Variants in ITGA8 observed in about 807,000 individuals in gnomAD.
The protein encoded by ITGA8 is integrin alpha-8.
ITGA8 carries 91 observed loss-of-function variants against 142.3 expected under a neutral mutation model. That is an observed-to-expected ratio of 0.64 (90% CI 0.54 to 0.76). ITGA8 has a LOEUF of 0.76. ITGA8 is among the 30% of genes least tolerant of loss of function. The pLI, the probability that ITGA8 is intolerant of heterozygous loss-of-function variation, is 0.00. For synonymous variants in ITGA8, 505 were observed against 485.2 expected (o/e 1.04, Z -0.54); for missense variants, 1,406 against 1,327.7 (o/e 1.06, Z -0.92).
chr10:15,547,913 C>A (rs949484419), intron 27 of ITGA8, among the ~76,000 whole-genome samples: 1 of 152,126 alleles, frequency 6.6e-6, no homozygotes, highest in Non-Finnish European at 1.5e-5. Context: ...AGTACATTTT[C>A]TGATCTATTC....
intron 9 of ITGA8, among the ~76,000 whole-genome samples, chr10:15,660,170 G>A (rs955369267): frequency 6.6e-6 from 1 of 152,062 alleles, no homozygotes; most frequent in Non-Finnish European, 1.5e-5. Flanking sequence ...AATTATTCCC[G>A]GATTATACCC....
At chr10:15,641,772 A>G (rs1311911553) in intron 13 of ITGA8, among the ~76,000 whole-genome samples, 2 of 152,188 alleles carry the variant, frequency 1.3e-5, no homozygotes, top group Non-Finnish European at 2.9e-5. Flanking sequence ...CAGACTCAGC[A>G]AAGTTGTTGA....
intron 26 of ITGA8, among the ~76,000 whole-genome samples, chr10:15,550,019 T>C (rs888409462): frequency 6.6e-6 from 1 of 152,172 alleles, no homozygotes; most frequent in Admixed American, 6.5e-5. Context: ...GTAGCTTCCA[T>C]GACTCCCACA....
At chr10:15,599,922 A>C (rs959577296) in intron 20 of ITGA8, among the ~76,000 whole-genome samples, 5 of 152,158 alleles carry the variant, frequency 3.3e-5, no homozygotes, top group African/African-American at 1.2e-4. Context: ...CACCATCTCA[A>C]AAAAACAAAA....
In ITGA8 at chr10:15,662,869, G is replaced by A. The variant is rs571659233; in HGVS notation, c.848-1947C>T. On this transcript the variant is annotated intron_variant, in intron 8 of 29. Transcript: ENST00000378076. Reference sequence around the variant, plus strand: ...CAAATTACATTCCTGGAATTGGTTAGGAACAGATTACTTTCTTGGGTTTTA... The same window carrying A: ...CAAATTACATTCCTGGAATTGGTTAAGAACAGATTACTTTCTTGGGTTTTA... Among the ~76,000 whole-genome samples, 4 of 152,246 alleles carry A rather than the reference G, an allele frequency of 2.6e-5. No homozygotes were observed. In the East Asian group the frequency reaches 7.7e-4, roughly 29 times the overall value.
intron 20 of ITGA8, among the ~76,000 whole-genome samples, chr10:15,597,702 A>C (rs546023982): frequency 6.6e-6 from 1 of 152,218 alleles, no homozygotes; most frequent in Non-Finnish European, 1.5e-5. Context: ...ATAGATTATC[A>C]TATGATTCAA....
chr10:15,558,138 T>C lies in ITGA8; in HGVS notation c.2702A>G (p.His901Arg), dbSNP rs1015519808. 1.9e-6 allele frequency: 3 copies of C among 1,614,074 alleles called. No individual in the cohort carries two copies. In the African/African-American group the frequency reaches 4.0e-5, roughly 22 times the overall value. The stretch of plus-strand genomic sequence containing the variant: ...ATGTACATCCCTCTTCCTGACAAGA[T>C]GAGGAATAGTAGAGTTTCGCAAAAA... ...SAFLRNSTIP[H>R]LVRKRDVHVV... is the part of the protein sequence containing the mutation. The change falls in exon 26 of 30, where the codon CAT becomes CGT. Residue 901 changes from histidine (H) to arginine (R), a missense_variant. His to Arg is a conservative substitution (Grantham distance 29, BLOSUM62 0). Coordinates refer to ENST00000378076, the MANE Select transcript of ITGA8 (RefSeq NM_003638.3).
intron 20 of ITGA8, among the ~76,000 whole-genome samples, chr10:15,602,737 C>A (rs10795310): frequency 6.7e-4 from 100 of 148,846 alleles, no homozygotes; most frequent in Non-Finnish European, 1.0e-3. Context: ...GACCCTGTCT[C>A]AAAAAAAAAA....
At chr10:15,631,229 G>T (rs939213306) in intron 13 of ITGA8, among the ~76,000 whole-genome samples, 1 of 151,888 alleles carries the variant, frequency 6.6e-6, no homozygotes, top group Non-Finnish European at 1.5e-5. Flanking sequence ...CATACCCAAA[G>T]GATTATAAAT....
At chr10:15,615,200 T>C (rs1833370280) in intron 14 of ITGA8, among the ~76,000 whole-genome samples, 1 of 152,152 alleles carries the variant, frequency 6.6e-6, no homozygotes, top group Non-Finnish European at 1.5e-5. Context: ...CCCATTCTGC[T>C]CCAGCAGCTC....
chr10:15,595,385 C>G (rs926135872), intron 21 of ITGA8, among the ~76,000 whole-genome samples: 2 of 152,006 alleles, frequency 1.3e-5, no homozygotes, highest in Non-Finnish European at 2.9e-5. Flanking sequence ...TATAACAAAA[C>G]AGAATGCAAT....
intron 23 of ITGA8, among the ~76,000 whole-genome samples, chr10:15,580,736 C>T (rs1050481333): frequency 6.6e-6 from 1 of 152,164 alleles, no homozygotes; most frequent in Admixed American, 6.5e-5. Flanking sequence ...AACATACATT[C>T]ATGTTAAAAA....
chr10:15,585,133 T>G (rs1832800393), intron 23 of ITGA8, among the ~76,000 whole-genome samples: 1 of 152,074 alleles, frequency 6.6e-6, no homozygotes, highest in Non-Finnish European at 1.5e-5. Context: ...AAAATGAATC[T>G]CAAAAACATT....
chr10:15,688,720 C>T (rs1300782864), intron 2 of ITGA8, among the ~76,000 whole-genome samples: 2 of 152,128 alleles, frequency 1.3e-5, no homozygotes, highest in African/African-American at 4.8e-5. Context: ...ACGTGCTACC[C>T]CACATTAATG....
intron 28 of ITGA8, among the ~76,000 whole-genome samples, 154 bp downstream of exon 28, chr10:15,530,896 G>A (rs893350382): frequency 2.0e-5 from 3 of 152,182 alleles, no homozygotes; most frequent in African/African-American, 7.2e-5. Flanking sequence ...AAGGCACTAG[G>A]AAATTACCAG....
intron 13 of ITGA8, among the ~76,000 whole-genome samples, chr10:15,624,349 ATCTCTGGTGGTCTTTAAGTT>A (rs1833544522): frequency 6.6e-6 from 1 of 152,196 alleles, no homozygotes; most frequent in Non-Finnish European, 1.5e-5. Flanking sequence ...TCATTGCTGA[ATCTCTGGTGGTCTTTAAGTT>A]TCTCTAGATG....
intron 27 of ITGA8, among the ~76,000 whole-genome samples, chr10:15,535,582 C>T (rs1833414098): frequency 6.6e-6 from 1 of 152,042 alleles, no homozygotes; most frequent in African/African-American, 2.4e-5. Context: ...ACTTGGAGAA[C>T]CTTTATGTCC....
At chr10:15,697,691 T>C (rs559167604) in intron 2 of ITGA8, among the ~76,000 whole-genome samples, 9 of 152,328 alleles carry the variant, frequency 5.9e-5, no homozygotes, top group African/African-American at 2.2e-4. Flanking sequence ...TATAGGAACA[T>C]GGAAATCAAA....
chr10:15,614,172 A>G (rs56019431), intron 14 of ITGA8, among the ~76,000 whole-genome samples: 1 of 152,238 alleles, frequency 6.6e-6, no homozygotes, highest in South Asian at 2.1e-4. Context: ...GAGTACTTGA[A>G]GTTTGCAACT....
Sources: gnomAD v4.1 joint callset for allele counts (sites outside exome capture counted in the v4.1 genomes callset) on GRCh38, gnomAD v4.1.1 for gene constraint, MANE v1.5 for transcripts, NCBI Gene and HGNC (gene_info 2026-07-23, HGNC 2026-07-21) for gene names.